ZNF202: variants seen among roughly 807,000 people sequenced by gnomAD.
ZNF202 encodes the protein zinc finger protein with KRAB and SCAN domains 10.
Under a neutral mutation model 54.5 loss-of-function variants are expected in ZNF202, and 22 were observed. The observed-to-expected ratio is 0.40, with a 90% confidence interval of 0.29 to 0.58. ZNF202 has a LOEUF of 0.58. Among genes scored for constraint, ZNF202 ranks in the 20% least tolerant of loss-of-function variants. The probability of loss-of-function intolerance (pLI) is 0.39; values close to 1 mark genes in which losing one functional copy is unlikely to be tolerated. For missense variants in ZNF202, 644 were observed against 805.5 expected (o/e 0.80, Z 2.43); for synonymous variants, 294 against 301.4 (o/e 0.98, Z 0.26).
Position 123,726,759 on chromosome 11 carries a change from CCT to C in ZNF202, c.1183_1184del (p.Arg395AlafsTer3). The C allele has an allele frequency of 6.2e-7, 1 of 1,614,214 alleles. No individual in the cohort carries two copies. The highest frequency in any genetic ancestry group is 8.5e-7 in the Non-Finnish European group (1 of 1,180,046). ...TTCCACACACAGAACAGTCATGATG[CCT>C]CCCTAACAGGGGGTGGACGGGTGTA... ...ETTPVHPLLG[R>X]HHDCSVCGKS... is the part of the protein sequence containing the mutation. On this transcript the variant is annotated frameshift_variant, in exon 9 of 9. Coordinates refer to ENST00000530393, the MANE Select transcript of ZNF202 (RefSeq NM_003455.4). LOFTEE classifies it high-confidence loss of function. The surrounding 1 kb of genome is among the most constrained non-coding windows in gnomAD (Gnocchi z 6.0).
Position 123,728,150 on chromosome 11 carries a change from CCA to C in ZNF202, c.813_814del (p.Cys271TrpfsTer14). ...TTCCTTACACAGAGAGACAACAATT[CCA>C]CAGTCTTCTTCCAAGACATATTCTC... On this transcript the variant is annotated frameshift_variant, in exon 7 of 9. Transcript: ENST00000530393. LOFTEE classifies it high-confidence loss of function. 1 of 1,610,930 alleles carries C rather than the reference CCA, an allele frequency of 6.2e-7. No individual in the cohort carries two copies.
chr11:123,728,817 CT>C (rs1241149257), intron 6 of ZNF202, among the ~76,000 whole-genome samples: 1 of 145,476 alleles, frequency 6.9e-6, no homozygotes, highest in African/African-American at 2.5e-5. Flanking sequence ...AAATTTATTC[CT>C]TTAAAAAAAA....
rs985289065 is a variant in ZNF202, at chr11:123,727,201, C to T, written c.953-210G>A. Among the ~76,000 whole-genome samples, 6 of 152,170 alleles carry T rather than the reference C, an allele frequency of 3.9e-5. No homozygotes were observed. The East Asian group carries it at 5.8e-4, about 15-fold the overall frequency. On this transcript the variant is annotated intron_variant, in intron 8 of 8. Transcript: ENST00000530393. ...TTTTACAAATGCAGAGATTGAGAAT[C>T]GAGGGTTTAAGGGAATTGTACAGTA...
rs1251772196 is a variant in ZNF202 at position 123,740,518 on chromosome 11, T to C, written c.-275A>G. 2 of 152,284 alleles carry C rather than the reference T, an allele frequency of 1.3e-5. No individual in the cohort carries two copies. The highest frequency in any genetic ancestry group is 2.9e-5 in the Non-Finnish European group (2 of 68,116). The allele number at this position is 152,284 out of a possible 1,614,324, so 9.4% of individuals were successfully genotyped here. On this transcript the variant is annotated 5_prime_UTR_variant, in exon 2 of 9. Coordinates refer to ENST00000530393, the MANE Select transcript of ZNF202 (RefSeq NM_003455.4). The stretch of plus-strand genomic sequence containing the variant: ...TAGCATTCCTTGTGGCTTCTGAGTG[T>C]AGCTGCCCTGGGTGTCACCTGCAGA...
intron 3 of ZNF202, among the ~76,000 whole-genome samples, chr11:123,735,150 C>T (rs1043585841): frequency 2.0e-5 from 3 of 152,118 alleles, no homozygotes; most frequent in African/African-American, 7.2e-5. Flanking sequence ...CAACTCCTAC[C>T]CCTGGAAGAC....
intron 3 of ZNF202, among the ~76,000 whole-genome samples, chr11:123,735,619 C>A (rs1208870857): frequency 1.3e-5 from 2 of 152,118 alleles, no homozygotes; most frequent in Non-Finnish European, 2.9e-5. Context: ...GGCCCCAGAT[C>A]CCCAAGAAAC....
At chr11:123,740,986 T>C (rs1861838173) in intron 1 of ZNF202, among the ~76,000 whole-genome samples, 2 of 150,480 alleles carry the variant, frequency 1.3e-5, no homozygotes, top group Non-Finnish European at 1.5e-5. Flanking sequence ...TCTGGCCAAA[T>C]GGACGCCAAG....
At position 123,726,407 on chromosome 11, in the gene ZNF202, T is replaced by C. The variant is rs776634619; in HGVS notation, c.1537A>G (p.Ile513Val). The change falls in exon 9 of 9, where the codon ATT becomes GTT. Residue 513 changes from isoleucine (I) to valine (V), a missense_variant. By Grantham distance (29) the Ile-to-Val change is conservative (BLOSUM62 3). Around this residue, in one of 3 missense-constraint regions of ZNF202, gnomAD observed 536 missense variants for 635.3 expected, o/e 0.84. Transcript: ENST00000530393. This position sits in a 1 kb window ranked among gnomAD's most constrained non-coding sequence, Gnocchi z 6.0. Reference sequence around the variant, plus strand: ...TTCTGGCTGAAGCTTTTGCCACAAATAGTACAAAAGAAGGGTTTTTCTCCA... The same window carrying C: ...TTCTGGCTGAAGCTTTTGCCACAAACAGTACAAAAGAAGGGTTTTTCTCCA... ...HTGEKPFFCTICGKSFSQKSV... is the reference protein window; with the variant it reads ...HTGEKPFFCTVCGKSFSQKSV... 5.0e-6 allele frequency: 8 copies of C among 1,614,098 alleles called. No homozygotes were observed. The highest frequency in any genetic ancestry group is 6.8e-6 in the Non-Finnish European group (8 of 1,180,044).
At chr11:123,734,423 T>C (rs1472876756) in intron 3 of ZNF202, among the ~76,000 whole-genome samples, 1 of 152,216 alleles carries the variant, frequency 6.6e-6, no homozygotes, top group African/African-American at 2.4e-5. Flanking sequence ...CAAGAATTAC[T>C]GTTCTTTCTT....
At chr11:123,739,573 A>C (rs1366099992) in intron 3 of ZNF202, 1 of 152,180 alleles carries the variant, frequency 6.6e-6, no homozygotes, top group East Asian at 1.9e-4. Flanking sequence ...AATCAAGGGG[A>C]AGAACTTATC....
In ZNF202 at chr11:123,729,695, G is replaced by C; in HGVS notation, c.533C>G (p.Thr178Ser). ...TGCCCCCAGATCTGGGCTCTGTGTG[G>C]TTTCCTCAGGAGACTGCTCGGGGGT... is the stretch of plus-strand genomic sequence containing the variant. ...SSTPEQSPEE[T>S]TQSPDLGAPA... Residue 178 changes from threonine (T) to serine (S), a missense_variant, in exon 5 of 9, where the codon ACC becomes AGC. By Grantham distance (58) the Thr-to-Ser change is moderately conservative. Around this residue, in one of 3 missense-constraint regions of ZNF202, gnomAD observed 536 missense variants for 635.3 expected, o/e 0.84. Transcript: ENST00000530393. The C allele has an allele frequency of 6.2e-7, 1 of 1,613,512 alleles. No homozygotes were observed. The highest frequency in any genetic ancestry group is 8.5e-7 in the Non-Finnish European group (1 of 1,179,804).
rs1565523854 is a variant in ZNF202 at position 123,729,777 on chromosome 11, G to T, written c.451C>A (p.His151Asn). ...GGTGACTCAGGCTCCACTCCTAAAT[G>T]CACCGTCTCCTCTGACAGGACTTCC... Reference protein sequence around the residue: ...GQEVLSEETVHLGVEPESPNE... With the variant: ...GQEVLSEETVNLGVEPESPNE... The change falls in exon 5 of 9, where the codon CAT (histidine) becomes AAT (asparagine). Residue 151 changes from histidine to asparagine, a missense_variant. Around this residue, in one of 3 missense-constraint regions of ZNF202, gnomAD observed 536 missense variants for 635.3 expected, o/e 0.84. Coordinates refer to ENST00000530393, the MANE Select transcript of ZNF202 (RefSeq NM_003455.4). The T allele has an allele frequency of 6.2e-7, 1 of 1,613,686 alleles. No homozygotes were observed. Among genetic ancestry groups the T allele is most frequent in the Admixed American group, 1.7e-5 (1 of 59,954 alleles).
rs771736065 is a variant in ZNF202 at position 123,727,520 on chromosome 11, G to A, written c.908C>T (p.Pro303Leu). 3.1e-6 allele frequency: 5 copies of A among 1,614,116 alleles called. No homozygotes were observed. Among genetic ancestry groups the A allele is most frequent in the South Asian group, 1.1e-5 (1 of 91,084 alleles). ...EEPWVPDIQE[P>L]QETQEPEILS... ...GATTTCTGGCTCTTGAGTCTCCTGA[G>A]GCTCTTGGATATCTGGGACCCAAGG... Residue 303 changes from proline to leucine, a missense_variant, in exon 8 of 9, where the codon CCT becomes CTT. Physicochemically the swap from Pro to Leu is moderately conservative, Grantham distance 98. Around this residue, in one of 3 missense-constraint regions of ZNF202, gnomAD observed 536 missense variants for 635.3 expected, o/e 0.84. Coordinates refer to ENST00000530393, the MANE Select transcript of ZNF202 (RefSeq NM_003455.4).
intron 5 of ZNF202, 113 bp downstream of exon 5, chr11:123,729,502 T>C (rs953275464): frequency 7.8e-7 from 1 of 1,280,870 alleles, no homozygotes; most frequent in Admixed American, 2.8e-5. Flanking sequence ...CTGTGATGTC[T>C]TTCCATACAG....
Position 123,725,433 on chromosome 11 carries a change from G to C in ZNF202, c.*564C>G, listed in dbSNP as rs1042387337. 1 of 152,258 alleles carries C rather than the reference G, an allele frequency of 6.6e-6. No homozygotes were observed. The highest frequency in any genetic ancestry group is 1.5e-5 in the Non-Finnish European group (1 of 68,150). The allele number at this position is 152,258 out of a possible 1,614,324, so 9.4% of individuals were successfully genotyped here. ...CTTCCATTTCTCCTCAGCATCAAAGGAAAGTGCATGGTAAGAAGTGAATCA... is the reference window on the plus strand; with the variant it reads ...CTTCCATTTCTCCTCAGCATCAAAGCAAAGTGCATGGTAAGAAGTGAATCA... On this transcript the variant is annotated 3_prime_UTR_variant, in exon 9 of 9. Transcript: ENST00000530393.
chr11:123,729,354 T>C (rs1455629804), intron 5 of ZNF202, 140 bp from the exon 6 acceptor site: 10 of 879,324 alleles, frequency 1.1e-5, no homozygotes, highest in Admixed American at 6.8e-5. Flanking sequence ...GGCCTAAGGG[T>C]AGCTCCCATA....
chr11:123,729,086 C>T, intron 6 of ZNF202, 40 bp downstream of exon 6: 1 of 1,606,114 alleles, frequency 6.2e-7, no homozygotes, highest in Non-Finnish European at 8.5e-7. Context: ...AGTGGTTCTT[C>T]AAACAAATTC....
At position 123,728,118 on chromosome 11, in the gene ZNF202, C is replaced by G; in HGVS notation, c.832+15G>C. Reference sequence around the variant, plus strand: ...TCTGGGCTTAGAACACTCTAGAATACTTGAAATTCCTTACACAGAGAGACA... The same window carrying G: ...TCTGGGCTTAGAACACTCTAGAATAGTTGAAATTCCTTACACAGAGAGACA... On this transcript the variant is annotated intron_variant, in intron 7 of 8. Transcript: ENST00000530393. The G allele has an allele frequency of 6.2e-7, 1 of 1,602,840 alleles. No individual in the cohort carries two copies. The highest frequency in any genetic ancestry group is 8.5e-7 in the Non-Finnish European group (1 of 1,173,366).
intron 4 of ZNF202, 147 bp from the exon 5 acceptor site, chr11:123,729,972 G>A (rs1228742537): frequency 6.0e-6 from 5 of 827,194 alleles, no homozygotes; most frequent in Non-Finnish European, 9.2e-6. Context: ...CAATGGAGCA[G>A]GCAAGGAGGA....
Sources: gnomAD v4.1 joint callset for allele counts (sites outside exome capture counted in the v4.1 genomes callset) on GRCh38, gnomAD v4.1.1 for gene constraint, gnomAD v4.1.1 regional missense constraint, Gnocchi (gnomAD v3.1) non-coding constraint, MANE v1.5 for transcripts, NCBI Gene and HGNC (gene_info 2026-07-23, HGNC 2026-07-21) for gene names.